Variants in ARHGEF18 observed in about 807,000 individuals in gnomAD.
The protein encoded by ARHGEF18 is Rho/Rac guanine nucleotide exchange factor 18, also known as rho guanine nucleotide exchange factor 18.
Under a neutral mutation model 155.7 loss-of-function variants are expected in ARHGEF18, and 93 were observed. That is an observed-to-expected ratio of 0.60 (90% confidence interval 0.50 to 0.71). ARHGEF18 has a LOEUF of 0.71. ARHGEF18 is among the 30% of genes least tolerant of loss of function. The pLI is 0.00. For missense variants in ARHGEF18, 1,593 were observed against 1,816.1 expected, an observed-to-expected ratio of 0.88 and a Z score of 2.23; for synonymous variants, 742 against 753.1, an observed-to-expected ratio of 0.99 and a Z score of 0.24.
At chr19:7,436,201 T>C (rs1015940199) in intron 10 of ARHGEF18, among the ~76,000 whole-genome samples, 20 of 54,880 alleles carry the variant, frequency 3.6e-4, no homozygotes, top group Middle Eastern at 0.016. Flanking sequence ...TTTCTTCTTT[T>C]TTTTTTTTTT....
Position 7,453,699 on chromosome 19 carries a change from A to T in ARHGEF18, c.2088A>T (p.Thr696=). ...HLEGMLCWKT[T]SGRLKDILAI... ...AGGGCATGCTATGCTGGAAGACCAC[A>T]TCAGGGCGCTTGAAAGGTAAAGGCC... Residue 696 remains threonine (T), a synonymous_variant, in exon 17 of 29, where the codon ACA becomes ACT. Coordinates refer to ENST00000668164, the MANE Select transcript of ARHGEF18 (RefSeq NM_001367823.1). 2 of 1,570,568 alleles carry T rather than the reference A, an allele frequency of 1.3e-6. No individual in the cohort carries two copies. Among genetic ancestry groups the T allele is most frequent in the Non-Finnish European group, 1.7e-6 (2 of 1,155,912 alleles).
intron 18 of ARHGEF18, among the ~76,000 whole-genome samples, chr19:7,456,792 G>A (rs991995668): frequency 3.3e-5 from 5 of 152,192 alleles, no homozygotes; most frequent in African/African-American, 1.2e-4. Flanking sequence ...GGCCCTGCTT[G>A]CTGTGACCTT....
chr19:7,426,866 C>T (rs1973698028), intron 10 of ARHGEF18, among the ~76,000 whole-genome samples: 1 of 152,168 alleles, frequency 6.6e-6, no homozygotes, highest in Non-Finnish European at 1.5e-5. Flanking sequence ...TGCAGTTTCT[C>T]ACTGTGGACT....
downstream of ARHGEF18, among the ~76,000 whole-genome samples, chr19:7,476,535 A>C (rs1977232115): frequency 6.6e-6 from 1 of 152,214 alleles, no homozygotes; most frequent in Non-Finnish European, 1.5e-5. Flanking sequence ...CAGCGATGCC[A>C]GTGTGTGTTG....
At position 7,349,097 on chromosome 19, in the gene ARHGEF18, A is replaced by G. The variant is rs1403980189; in HGVS notation, c.-255A>G. The G allele has an allele frequency of 6.6e-6, 1 of 152,314 alleles. No individual in the cohort carries two copies. The highest frequency in any genetic ancestry group is 2.4e-5 in the African/African-American group (1 of 41,440). 9.4% of individuals were successfully genotyped at this position (152,314 alleles called of 1,614,324 possible). The stretch of plus-strand genomic sequence containing the variant: ...TTGAGAAAGAGGAAGTCGAGGTGCT[A>G]TTGGGTCATTCTGTGGTTATCCCAG... On this transcript the variant is annotated 5_prime_UTR_variant, in exon 1 of 29. Transcript: ENST00000668164.
chr19:7,452,623 G>T (rs113226106), intron 16 of ARHGEF18, among the ~76,000 whole-genome samples: 4,188 of 151,810 alleles, frequency 0.028, 189 homozygotes, highest in African/African-American at 0.091. Context: ...GTGCCACCAC[G>T]CCTGGCTAAT....
intron 10 of ARHGEF18, among the ~76,000 whole-genome samples, chr19:7,433,597 A>G (rs956845443): frequency 5.0e-4 from 76 of 151,240 alleles, no homozygotes; most frequent in Non-Finnish European, 9.0e-4. Flanking sequence ...TTTTCATGTA[A>G]TTTTTGGTGA....
At chr19:7,439,242 A>G (rs1164872737) in intron 10 of ARHGEF18, among the ~76,000 whole-genome samples, 1 of 151,236 alleles carries the variant, frequency 6.6e-6, no homozygotes, top group East Asian at 2.0e-4. Context: ...GACCGCTTGA[A>G]GTCAGGAGTT....
chr19:7,412,769 A>G (rs377236016), intron 10 of ARHGEF18, among the ~76,000 whole-genome samples: 2 of 151,872 alleles, frequency 1.3e-5, no homozygotes, highest in African/African-American at 4.8e-5. Context: ...AAATAAAATA[A>G]ATTATCCCAT....
chr19:7,392,262 G>C (rs1272040228), intron 10 of ARHGEF18, among the ~76,000 whole-genome samples: 1 of 120,426 alleles, frequency 8.3e-6, no homozygotes, highest in Non-Finnish European at 1.7e-5. Flanking sequence ...AAAAAAAAAA[G>C]ACTCATAAAT....
chr19:7,391,926 C>T (rs1044251944), intron 10 of ARHGEF18, among the ~76,000 whole-genome samples: 1 of 151,940 alleles, frequency 6.6e-6, no homozygotes, highest in Non-Finnish European at 1.5e-5. Context: ...TAGCTCCTAG[C>T]GCCCCTGGTC....
At chr19:7,443,856 A>C (rs1251783604) in intron 13 of ARHGEF18, among the ~76,000 whole-genome samples, 1 of 151,440 alleles carries the variant, frequency 6.6e-6, no homozygotes, top group African/African-American at 2.4e-5. Context: ...GTGAGCTGAG[A>C]TTTTGCCACT....
intron 22 of ARHGEF18, 89 bp downstream of exon 22, chr19:7,464,044 TTTG>T (rs928132246): frequency 7.6e-6 from 11 of 1,442,584 alleles, no homozygotes; most frequent in Non-Finnish European, 9.2e-6. Flanking sequence ...AACTTTCTTT[TTTG>T]TTGTTGTTGA....
At chr19:7,389,408 C>A (rs1283243827) in intron 10 of ARHGEF18, among the ~76,000 whole-genome samples, 1 of 151,010 alleles carries the variant, frequency 6.6e-6, no homozygotes, top group African/African-American at 2.4e-5. Flanking sequence ...GATCCACCCA[C>A]CTCAGCCTCC....
intron 10 of ARHGEF18, among the ~76,000 whole-genome samples, chr19:7,416,580 T>C (rs1384892624): frequency 7.6e-6 from 1 of 131,300 alleles, no homozygotes; most frequent in African/African-American, 3.1e-5. Context: ...TGTGTGTGTT[T>C]TGGGGTGGAT....
In ARHGEF18 at chr19:7,447,048, A is replaced by G. The variant is rs1295862954; in HGVS notation, c.1617A>G (p.Ser539=). The G allele has an allele frequency of 6.2e-7, 1 of 1,612,514 alleles. No homozygotes were observed. The highest frequency in any genetic ancestry group is 1.3e-5 in the African/African-American group (1 of 74,994). Reference sequence around the variant, plus strand: ...TCCATCCTTTTGTTTATCAGTTTTCAGGTGAAAATGGGGAGAGAATGAAAG... The same window carrying G: ...TCCATCCTTTTGTTTATCAGTTTTCGGGTGAAAATGGGGAGAGAATGAAAG... The part of the protein sequence containing the change: ...KIGDLLVQQF[S]GENGERMKEK... Residue 539 remains serine (S), a synonymous_variant, in exon 15 of 29, where the codon TCA becomes TCG. Transcript: ENST00000668164.
At chr19:7,450,624 A>AGATGTTAACGCGGGATCTTGC (rs1568347711) in intron 15 of ARHGEF18, among the ~76,000 whole-genome samples, 2 of 4,838 alleles carry the variant, frequency 4.1e-4, no homozygotes, top group Non-Finnish European at 1.1e-3. Flanking sequence ...CTTGCTTTCC[A>AGATGTTAACGCGGGATCTTGC]TTTCCATTTC....
intron 10 of ARHGEF18, among the ~76,000 whole-genome samples, chr19:7,433,604 G>A (rs2145735098): frequency 6.6e-6 from 1 of 150,966 alleles, no homozygotes; most frequent in East Asian, 2.0e-4. Flanking sequence ...GTAATTTTTG[G>A]TGAGTCCTGT....
At chr19:7,412,911 A>G (rs1309824101) in intron 10 of ARHGEF18, among the ~76,000 whole-genome samples, 1 of 151,648 alleles carries the variant, frequency 6.6e-6, no homozygotes, top group Non-Finnish European at 1.5e-5. Flanking sequence ...TCCTTTGCCC[A>G]TTTGTGAATG....
Sources: allele counts gnomAD v4.1 joint callset (sites outside exome capture counted in the v4.1 genomes callset), GRCh38; gene constraint gnomAD v4.1.1; transcripts MANE v1.5; gene names NCBI Gene and HGNC (gene_info 2026-07-23, HGNC 2026-07-21).